Variants in KIFC3 observed in about 807,000 individuals in gnomAD.
The protein encoded by KIFC3 is kinesin-like protein KIFC3.
Under a neutral mutation model 101.8 loss-of-function variants are expected in KIFC3, and 60 were observed. The observed-to-expected ratio is 0.59, with a 90% confidence interval of 0.48 to 0.73. The LOEUF is 0.73. Among genes scored for constraint, KIFC3 ranks in the 30% least tolerant of loss-of-function variants. The pLI is 0.00. For synonymous variants in KIFC3, 476 were observed against 482.7 expected (o/e 0.99, Z 0.18); for missense variants, 966 against 1,137.1 (o/e 0.85, Z 2.16).
chr16:57,831,325 C>T (rs1596816574), intron 1 of KIFC3, among the ~76,000 whole-genome samples: 1 of 152,212 alleles, frequency 6.6e-6, no homozygotes, highest in South Asian at 2.1e-4. Context: ...TCCCACCCAG[C>T]GCCTTCTCTC....
At chr16:57,790,956 G>A in intron 3 of KIFC3, 1 of 984,812 alleles carries the variant, frequency 1.0e-6, no homozygotes, top group Non-Finnish European at 1.2e-6. Context: ...TATTCCTGCT[G>A]GGCGCAGTGG....
chr16:57,787,380 G>A (rs150462951), intron 3 of KIFC3, among the ~76,000 whole-genome samples: 133 of 152,338 alleles, frequency 8.7e-4, no homozygotes, highest in African/African-American at 2.9e-3. Context: ...ATGAGGTCTC[G>A]GAGAGCCCAG....
At chr16:57,841,750 G>C (rs1276264970) in intron 1 of KIFC3, among the ~76,000 whole-genome samples, 1 of 152,218 alleles carries the variant, frequency 6.6e-6, no homozygotes, top group East Asian at 1.9e-4. Context: ...TTTGCCAAGG[G>C]CCTCTCAAAT....
intron 1 of KIFC3, among the ~76,000 whole-genome samples, chr16:57,811,363 T>C (rs902466835): frequency 3.3e-5 from 5 of 152,126 alleles, no homozygotes; most frequent in South Asian, 4.1e-4. Context: ...GATAATTATA[T>C]CTCAGTAAAG....
At chr16:57,816,760 G>A in intron 1 of KIFC3, 1 of 456,636 alleles carries the variant, frequency 2.2e-6, no homozygotes, top group Non-Finnish European at 4.4e-6. Context: ...ACTGCCACAG[G>A]GACAGCCACC....
intron 3 of KIFC3, chr16:57,776,252 C>G: frequency 5.1e-6 from 5 of 985,514 alleles, no homozygotes; most frequent in Non-Finnish European, 6.0e-6. Flanking sequence ...CAAGGAAACT[C>G]AGCCCAGAGG....
chr16:57,764,929 GGAGGAGCCACAGCAT>G (rs2050299589), intron 11 of KIFC3, among the ~76,000 whole-genome samples: 2 of 151,238 alleles, frequency 1.3e-5, no homozygotes, highest in Non-Finnish European at 3.0e-5. Context: ...CATGCAGATG[GGAGGAGCCACAGCAT>G]GAGGGTGGGA....
chr16:57,759,772 G>C lies in KIFC3; in HGVS notation c.2432C>G (p.Thr811Ser), dbSNP rs782186196. ...ARAHSAPSSG[T>S]SSRPGSIRRK... ...CCGGATGGATCCAGGGCGGCTACTG[G>C]TCCCAGAGCTGGGGGCTGAGTGGGC... is the stretch of plus-strand genomic sequence containing the variant. Residue 811 changes from threonine (T) to serine (S), a missense_variant, in exon 18 of 20, where the codon ACC becomes AGC. By Grantham distance (58) the Thr-to-Ser change is moderately conservative. Transcript: ENST00000445690. 2 of 1,611,406 alleles carry C rather than the reference G, an allele frequency of 1.2e-6. No individual in the cohort carries two copies. Among genetic ancestry groups the C allele is most frequent in the Non-Finnish European group, 1.7e-6 (2 of 1,179,038 alleles).
rs535705613 is a variant in KIFC3 at position 57,830,955 on chromosome 16, C to T, written c.108+31774G>A. ...CAGGTCTTTGAGGTGACAGTTTAGA[C>T]AGGAGGTAGGAATCTTGCTAATGAA... On this transcript the variant is annotated intron_variant, in intron 1 of 2. Coordinates refer to the KIFC3 transcript ENST00000563028. Among the ~76,000 whole-genome samples the T allele has an allele frequency of 3.3e-5, 5 of 152,242 alleles. No individual in the cohort carries two copies. The South Asian group carries it at 8.3e-4, about 25-fold the overall frequency.
intron 1 of KIFC3, among the ~76,000 whole-genome samples, chr16:57,825,181 C>G (rs1555630604): frequency 6.6e-6 from 1 of 152,212 alleles, no homozygotes; most frequent in African/African-American, 2.4e-5. Context: ...AGGGACTTGC[C>G]TCCTGTTACC....
At chr16:57,813,585 A>G (rs1002906746) in intron 1 of KIFC3, 6 of 673,796 alleles carry the variant, frequency 8.9e-6, no homozygotes, top group Non-Finnish European at 1.1e-5. Context: ...CCTTCTGAGA[A>G]TCCCAGCCCT....
chr16:57,809,248 G>A (rs1475431206), intron 1 of KIFC3, among the ~76,000 whole-genome samples: 1 of 152,218 alleles, frequency 6.6e-6, no homozygotes, highest in African/African-American at 2.4e-5. Context: ...GGAGGTTCCA[G>A]TGTCTGGGGC....
At chr16:57,802,853 A>G (rs1366918782), upstream of KIFC3, 1 of 1,048,418 alleles carries the variant, frequency 9.5e-7, no homozygotes, top group Non-Finnish European at 1.4e-6. This position sits in a 1 kb window ranked among gnomAD's most constrained non-coding sequence, Gnocchi z 5.0. Context: ...ACAGCCTCAA[A>G]CCCGAGTGCA....
intron 1 of KIFC3, among the ~76,000 whole-genome samples, chr16:57,856,519 G>C (rs547690370): frequency 6.9e-6 from 1 of 144,656 alleles, no homozygotes; most frequent in East Asian, 2.0e-4. Flanking sequence ...AAGGAAGGGA[G>C]GGAAAAAAGA....
chr16:57,801,353 T>C (rs1555625464), intron 1 of KIFC3, among the ~76,000 whole-genome samples: 1 of 152,126 alleles, frequency 6.6e-6, no homozygotes, highest in Non-Finnish European at 1.5e-5. Flanking sequence ...CTGCACACCA[T>C]CATCTATCCT....
intron 1 of KIFC3, among the ~76,000 whole-genome samples, chr16:57,812,087 G>T (rs2055096643): frequency 6.7e-6 from 1 of 149,288 alleles, no homozygotes; most frequent in Non-Finnish European, 1.5e-5. Context: ...TGTCACCCAG[G>T]CTGGAGTGCA....
intron 1 of KIFC3, among the ~76,000 whole-genome samples, chr16:57,834,219 A>C (rs958815993): frequency 6.6e-6 from 1 of 152,134 alleles, no homozygotes; most frequent in African/African-American, 2.4e-5. Context: ...TTATCAAATA[A>C]ATTATTTGAT....
chr16:57,800,560 C>A (rs1326290837), intron 1 of KIFC3, among the ~76,000 whole-genome samples: 2 of 152,190 alleles, frequency 1.3e-5, no homozygotes, highest in Non-Finnish European at 2.9e-5. Context: ...GCATTGGAGG[C>A]TGACTCCACA....
Position 57,764,283 on chromosome 16 carries a change from C to T in KIFC3, c.1513-36G>A, listed in dbSNP as rs199685653. The T allele has an allele frequency of 1.9e-4, 234 of 1,248,676 alleles. 1 individual carries two copies. Among genetic ancestry groups the T allele is most frequent in the African/African-American group, 3.0e-5 (2 of 67,174 alleles). 77.3% of individuals were successfully genotyped at this position (1,248,676 alleles called of 1,614,324 possible). A position where few individuals can be genotyped will look rare whatever the true frequency, so the allele number is the denominator to read the frequency against. On this transcript the variant is annotated intron_variant, in intron 11 of 19. Coordinates refer to ENST00000445690, the MANE Select transcript of KIFC3 (RefSeq NM_001130100.2). ...GGTGGGAGGGAGGCTGGTGGGGGGG[C>T]TTCCAGGGCCGCTGGGACCACCAGC...
Sources: allele counts gnomAD v4.1 joint callset (sites outside exome capture counted in the v4.1 genomes callset), GRCh38; gene constraint gnomAD v4.1.1; non-coding constraint Gnocchi (gnomAD v3.1); transcripts MANE v1.5; gene names NCBI Gene and HGNC (gene_info 2026-07-23, HGNC 2026-07-21).